Variants in DLEU7 observed in about 807,000 individuals in gnomAD.
The protein encoded by DLEU7 is leukemia-associated protein 7.
DLEU7 carries 17 observed loss-of-function variants against 16.0 expected under a neutral mutation model. That is an observed-to-expected ratio of 1.06 (90% CI 0.73 to 1.59). The LOEUF (loss-of-function observed/expected upper bound fraction) is 1.59. DLEU7 is among the 40% of genes most tolerant of loss of function. The probability of loss-of-function intolerance (pLI) is 0.00; values close to 1 mark genes in which losing one functional copy is unlikely to be tolerated. For missense variants in DLEU7, 308 were observed against 314.9 expected (o/e 0.98, Z 0.17); for synonymous variants, 113 against 139.8 (o/e 0.81, Z 1.35).
At chr13:50,843,868 T>G, upstream of DLEU7, 1 of 546,716 alleles carries the variant, frequency 1.8e-6, no homozygotes, top group Non-Finnish European at 3.1e-6. This position sits in a 1 kb window ranked among gnomAD's most constrained non-coding sequence, Gnocchi z 5.7. Context: ...GACCCAAAGC[T>G]GCCTGAAGCG....
In DLEU7 at chr13:50,842,161, G is replaced by T. The variant is rs148371480; in HGVS notation, c.459+1027C>A. On this transcript the variant is annotated intron_variant, in intron 1 of 1. Transcript: ENST00000504404. The stretch of plus-strand genomic sequence containing the variant: ...ACGTAGAGAAACAATACCTATTTGG[G>T]TATATAATAGGCTTTATTATGTTTG... Among the ~76,000 whole-genome samples, 215 of 152,140 alleles carry T rather than the reference G, an allele frequency of 1.4e-3. 2 individuals are homozygous for T. The highest frequency in any genetic ancestry group is 0.014 in the East Asian group (73 of 5,186).
At chr13:50,779,782 C>G (rs373654712) in intron 1 of DLEU7, among the ~76,000 whole-genome samples, 8 of 152,282 alleles carry the variant, frequency 5.3e-5, no homozygotes, top group African/African-American at 1.9e-4. Flanking sequence ...GCCACCTCAT[C>G]AAATTAGTGT....
At chr13:50,823,882 C>T (rs117073149) in intron 1 of DLEU7, among the ~76,000 whole-genome samples, 109 of 152,326 alleles carry the variant, frequency 7.2e-4, no homozygotes, top group Non-Finnish European at 1.2e-3. Context: ...AATGAGAATG[C>T]AGCCAACACA....
At chr13:50,714,951 C>G (rs1873398309) in intron 1 of DLEU7, among the ~76,000 whole-genome samples, 1 of 152,220 alleles carries the variant, frequency 6.6e-6, no homozygotes, top group African/African-American at 2.4e-5. Flanking sequence ...GGGCTGAAAT[C>G]AAGGTGTTGG....
At chr13:50,843,745 G>C (rs762395111), upstream of DLEU7, 1 of 1,428,486 alleles carries the variant, frequency 7.0e-7, no homozygotes, top group Admixed American at 3.0e-5. The surrounding 1 kb of genome is among the most constrained non-coding windows in gnomAD (Gnocchi z 5.7). Context: ...TCTAACCCGC[G>C]GCTCCTCGGC....
At chr13:50,761,616 G>A (rs1306041694) in intron 1 of DLEU7, among the ~76,000 whole-genome samples, 1 of 152,134 alleles carries the variant, frequency 6.6e-6, no homozygotes, top group Non-Finnish European at 1.5e-5. Context: ...ACAAGGAAAG[G>A]AGAGATGGAG....
At chr13:50,823,990 T>G (rs1157619900) in intron 1 of DLEU7, among the ~76,000 whole-genome samples, 1 of 152,180 alleles carries the variant, frequency 6.6e-6, no homozygotes, top group Non-Finnish European at 1.5e-5. Flanking sequence ...ACCCCAAGAT[T>G]TTTTGGCCAT....
At chr13:50,787,204 T>A (rs999313490) in intron 1 of DLEU7, among the ~76,000 whole-genome samples, 13 of 152,216 alleles carry the variant, frequency 8.5e-5, no homozygotes, top group Non-Finnish European at 1.6e-4. Flanking sequence ...GTAAATGCTG[T>A]ACTGACTATG....
chr13:50,752,665 C>T (rs597161), intron 1 of DLEU7, among the ~76,000 whole-genome samples: 70,602 of 150,486 alleles, frequency 0.47, 17,285 homozygotes, highest in African/African-American at 0.61. Flanking sequence ...CTTAAGGCGG[C>T]GCGTCTGGAG....
At chr13:50,740,366 T>C (rs966701774) in intron 1 of DLEU7, among the ~76,000 whole-genome samples, 16 of 152,164 alleles carry the variant, frequency 1.1e-4, no homozygotes, top group Admixed American at 2.0e-4. Flanking sequence ...TTACAAACCA[T>C]AGGCTTATTT....
At chr13:50,741,407 C>T (rs1197245614) in intron 1 of DLEU7, among the ~76,000 whole-genome samples, 2 of 152,168 alleles carry the variant, frequency 1.3e-5, no homozygotes, top group Non-Finnish European at 2.9e-5. Flanking sequence ...TGATTGAGCT[C>T]TTTCCTCAAA....
At chr13:50,834,045 T>C (rs1242804327) in intron 1 of DLEU7, among the ~76,000 whole-genome samples, 2 of 152,218 alleles carry the variant, frequency 1.3e-5, no homozygotes, top group East Asian at 1.9e-4. Flanking sequence ...TACCTCAAGA[T>C]GGATTAAAGA....
chr13:50,792,733 C>G (rs1290731511), intron 1 of DLEU7, among the ~76,000 whole-genome samples: 2 of 148,064 alleles, frequency 1.4e-5, no homozygotes, highest in South Asian at 4.5e-4. Context: ...GGTCCGCACT[C>G]AAATATCACC....
chr13:50,720,463 T>C (rs1247316010), intron 1 of DLEU7, among the ~76,000 whole-genome samples: 1 of 152,180 alleles, frequency 6.6e-6, no homozygotes, highest in Non-Finnish European at 1.5e-5. Flanking sequence ...AATGTGATGA[T>C]GTATGTGAGA....
At chr13:50,720,197 TC>T (rs765177365) in intron 1 of DLEU7, among the ~76,000 whole-genome samples, 6 of 152,184 alleles carry the variant, frequency 3.9e-5, no homozygotes, top group Admixed American at 6.5e-5. Flanking sequence ...CAGGGCATCG[TC>T]CCTTTTGCCT....
intron 1 of DLEU7, among the ~76,000 whole-genome samples, chr13:50,807,588 A>G (rs1028671873): frequency 2.0e-5 from 3 of 152,084 alleles, no homozygotes; most frequent in African/African-American, 7.2e-5. Context: ...AAAGTAAAGT[A>G]TAGGAATTCC....
At chr13:50,771,795 C>G (rs927041101) in intron 1 of DLEU7, among the ~76,000 whole-genome samples, 4 of 152,158 alleles carry the variant, frequency 2.6e-5, no homozygotes, top group African/African-American at 4.8e-5. Flanking sequence ...TGGTGCAGAG[C>G]TGAGTTCAAG....
At chr13:50,775,021 A>G (rs887047851) in intron 1 of DLEU7, among the ~76,000 whole-genome samples, 1 of 151,918 alleles carries the variant, frequency 6.6e-6, no homozygotes, top group Admixed American at 6.6e-5. Flanking sequence ...ATTCATTAAC[A>G]TATTTATCGT....
intron 1 of DLEU7, among the ~76,000 whole-genome samples, chr13:50,794,351 C>A (rs1876051342): frequency 1.3e-5 from 2 of 151,074 alleles, no homozygotes; most frequent in African/African-American, 4.9e-5. Flanking sequence ...GATGGCATTA[C>A]AATCATTGTG....
Sources: allele counts gnomAD v4.1 joint callset (sites outside exome capture counted in the v4.1 genomes callset), GRCh38; gene constraint gnomAD v4.1.1; non-coding constraint Gnocchi (gnomAD v3.1); transcripts MANE v1.5; gene names NCBI Gene and HGNC (gene_info 2026-07-23, HGNC 2026-07-21).